Variants in RBFOX1 observed in about 807,000 individuals in gnomAD.
The protein encoded by RBFOX1 is RNA binding fox-1 homolog 1, also known as RNA binding protein fox-1 homolog 1.
RBFOX1 carries 8 observed loss-of-function variants against 57.7 expected under a neutral mutation model. That is an observed-to-expected ratio of 0.14 (90% CI 0.08 to 0.25). The LOEUF (loss-of-function observed/expected upper bound fraction) is 0.25, where lower values mean the gene tolerates loss of function less well. RBFOX1 is among the 10% of genes least tolerant of loss of function. The pLI, the probability that RBFOX1 is intolerant of heterozygous loss-of-function variation, is 1.00. For synonymous variants in RBFOX1, 326 were observed against 222.4 expected, an observed-to-expected ratio of 1.47 and a Z score of -4.15; for missense variants, 611 against 548.5, an observed-to-expected ratio of 1.11 and a Z score of -1.14.
chr16:7,435,809 G>A (rs1226191927), intron 4 of RBFOX1, among the ~76,000 whole-genome samples: 1 of 152,186 alleles, frequency 6.6e-6, no homozygotes, highest in Non-Finnish European at 1.5e-5. Context: ...CTGTGTCAAA[G>A]AAATTAAAGG....
chr16:7,301,336 T>A (rs1285206218), intron 4 of RBFOX1, among the ~76,000 whole-genome samples: 1 of 152,180 alleles, frequency 6.6e-6, no homozygotes, highest in Non-Finnish European at 1.5e-5. Flanking sequence ...GGAGAGATGT[T>A]CAGGTTTAGT....
At chr16:6,549,316 A>G (rs1257412803) in intron 2 of RBFOX1, among the ~76,000 whole-genome samples, 1 of 5,252 alleles carries the variant, frequency 1.9e-4, no homozygotes, top group Admixed American at 2.2e-3. Context: ...GAAAAGGAGG[A>G]GGGGAGGAGG....
At position 7,264,713 on chromosome 16, in the gene RBFOX1, T is replaced by A. The variant is rs181168743; in HGVS notation, c.27+212615T>A. Reference sequence around the variant, plus strand: ...TTGGATTTTTCTCAACTTTTTTTTTTAAAAAAATGTAATCAACCATTCTTA... The same window carrying A: ...TTGGATTTTTCTCAACTTTTTTTTTAAAAAAAATGTAATCAACCATTCTTA... On this transcript the variant is annotated intron_variant, in intron 4 of 15. Transcript: ENST00000550418. Among the ~76,000 whole-genome samples, 469 of 152,156 alleles carry A rather than the reference T, an allele frequency of 3.1e-3. 5 individuals are homozygous for A. The highest frequency in any genetic ancestry group is 0.018 in the East Asian group (93 of 5,178).
intron 3 of RBFOX1, among the ~76,000 whole-genome samples, chr16:6,730,041 G>C (rs2068149275): frequency 6.6e-6 from 1 of 152,064 alleles, no homozygotes; most frequent in Non-Finnish European, 1.5e-5. Context: ...AAATAATCAT[G>C]GAGATAATCT....
intron 3 of RBFOX1, among the ~76,000 whole-genome samples, chr16:6,738,377 C>G (rs947677064): frequency 5.3e-5 from 8 of 152,052 alleles, no homozygotes; most frequent in African/African-American, 1.9e-4. Context: ...GGGAGCAAGG[C>G]ACCTGTCATT....
At chr16:6,438,402 A>G (rs998383604) in intron 2 of RBFOX1, among the ~76,000 whole-genome samples, 1 of 152,174 alleles carries the variant, frequency 6.6e-6, no homozygotes, top group African/African-American at 2.4e-5. Flanking sequence ...CTCACACCCA[A>G]ATAGTCTGAT....
chr16:6,176,957 T>C (rs2097015958), intron 1 of RBFOX1, among the ~76,000 whole-genome samples: 1 of 152,212 alleles, frequency 6.6e-6, no homozygotes, highest in South Asian at 2.1e-4. Context: ...TGGTTCAACC[T>C]GTCTTGGTTG....
chr16:5,406,860 G>A (rs746829233), intron 1 of RBFOX1, among the ~76,000 whole-genome samples: 11 of 152,178 alleles, frequency 7.2e-5, no homozygotes, highest in South Asian at 4.1e-4. Flanking sequence ...ACTCACCAGC[G>A]TGAAGAGTGC....
intron 1 of RBFOX1, among the ~76,000 whole-genome samples, chr16:5,320,889 C>G (rs2064383858): frequency 6.6e-6 from 1 of 152,210 alleles, no homozygotes; most frequent in Admixed American, 6.5e-5. Context: ...TACATTCTGT[C>G]TCCTGCTGTT....
At position 6,487,673 on chromosome 16, in the gene RBFOX1, TAAAAAAAAAAAAAAAAAA is replaced by T. The variant is rs777856402; in HGVS notation, c.-63-166919_-63-166902del. ...CTTCCAAAGATGGCAGTGATATATG[TAAAAAAAAAAAAAAAAAA>T]AAAAAAAAAATATATATATATATAT... On this transcript the variant is annotated intron_variant, in intron 2 of 15. Transcript: ENST00000550418. Among the ~76,000 whole-genome samples the T allele has an allele frequency of 3.3e-3, 127 of 38,688 alleles. 1 individual carries two copies. The highest frequency in any genetic ancestry group is 0.01 in the African/African-American group (77 of 7,460). 25.4% of individuals were successfully genotyped at this position (38,688 alleles called of 152,430 possible). A position where few individuals can be genotyped will look rare whatever the true frequency, so the allele number is the denominator to read the frequency against.
Position 6,537,992 on chromosome 16 carries a change from T to A in RBFOX1, c.-63-116611T>A, listed in dbSNP as rs2096758840. 2.0e-5 allele frequency among the ~76,000 whole-genome samples: 3 copies of A among 151,916 alleles called. No homozygotes were observed. In the South Asian group the frequency reaches 6.2e-4, roughly 31 times the overall value. On this transcript the variant is annotated intron_variant, in intron 2 of 15. Transcript: ENST00000550418. ...CAGTGATTTGCAGATTAATTCTATC[T>A]TTGTTTATATTTCTACTTTCAAACT...
chr16:6,855,695 C>G (rs1412400470), intron 3 of RBFOX1, among the ~76,000 whole-genome samples: 1 of 151,788 alleles, frequency 6.6e-6, no homozygotes, highest in East Asian at 1.9e-4. Context: ...AGAGTTATCT[C>G]AGCGATCGAA....
At chr16:6,863,901 C>G (rs1020442375) in intron 3 of RBFOX1, among the ~76,000 whole-genome samples, 4 of 151,696 alleles carry the variant, frequency 2.6e-5, no homozygotes, top group Non-Finnish European at 5.9e-5. Context: ...AGTTACCAAT[C>G]CATTGCCATT....
chr16:6,012,060 G>A (rs72770997), intron 4 of RBFOX1, among the ~76,000 whole-genome samples: 15,780 of 152,240 alleles, frequency 0.1, 988 homozygotes, highest in South Asian at 0.15. Context: ...CAGGCACAAC[G>A]GTGAGAAATT....
Position 7,620,312 on chromosome 16 carries a change from C to T in RBFOX1, c.677-10291C>T, listed in dbSNP as rs111392115. On this transcript the variant is annotated intron_variant, in intron 10 of 15. Transcript: ENST00000550418. ...TATTTGACAGATGTAACCACTGAGG[C>T]TCAGAGAAGTACAGAGTTTTACCCA... 5.2e-3 allele frequency among the ~76,000 whole-genome samples: 786 copies of T among 152,322 alleles called. 3 individuals are homozygous for T. Among genetic ancestry groups the T allele is most frequent in the Admixed American group, 0.011 (161 of 15,298 alleles).
chr16:6,738,992 A>G (rs914220150), intron 3 of RBFOX1, among the ~76,000 whole-genome samples: 1 of 152,200 alleles, frequency 6.6e-6, no homozygotes, highest in African/African-American at 2.4e-5. Context: ...CAAAGCAGTC[A>G]TTAGAGGGAA....
chr16:6,347,786 C>A (rs532613227), intron 2 of RBFOX1, among the ~76,000 whole-genome samples: 1 of 152,220 alleles, frequency 6.6e-6, no homozygotes, highest in African/African-American at 2.4e-5. Context: ...AGTCTACCTG[C>A]GACTGCCTGG....
At chr16:7,289,564 A>C (rs900404311) in intron 4 of RBFOX1, among the ~76,000 whole-genome samples, 2 of 152,112 alleles carry the variant, frequency 1.3e-5, no homozygotes, top group African/African-American at 4.8e-5. Flanking sequence ...AATGATGATC[A>C]TCATGATTAT....
intron 2 of RBFOX1, among the ~76,000 whole-genome samples, chr16:6,626,734 T>C (rs1307881248): frequency 6.6e-6 from 1 of 152,030 alleles, no homozygotes; most frequent in Non-Finnish European, 1.5e-5. Flanking sequence ...CACCCCAGCC[T>C]GGATGACAGA....
Sources: allele counts gnomAD v4.1 joint callset (sites outside exome capture counted in the v4.1 genomes callset), GRCh38; gene constraint gnomAD v4.1.1; transcripts MANE v1.5; gene names NCBI Gene and HGNC (gene_info 2026-07-23, HGNC 2026-07-21).